The following OR56A3 variants were observed in gnomAD, a reference collection of about 807,000 sequenced individuals.
OR56A3 encodes olfactory receptor 56A3.
Under a neutral mutation model 17.5 loss-of-function variants are expected in OR56A3, and 23 were observed. The observed-to-expected ratio is 1.32, with a 90% CI of 0.95 to 1.87. The LOEUF (loss-of-function observed/expected upper bound fraction) is 1.87. Ranked by LOEUF, OR56A3 falls within the 40% of genes most tolerant of loss-of-function variation. OR56A3 has a pLI of 0.00. For synonymous variants in OR56A3, 175 were observed against 150.6 expected, an observed-to-expected ratio of 1.16 and a Z score of -1.19; for missense variants, 366 against 380.1, an observed-to-expected ratio of 0.96 and a Z score of 0.31.
rs756891111 is a variant in OR56A3 at position 5,947,406 on chromosome 11, T to C, written c.60T>C (p.Cys20=). Residue 20 remains cysteine, a synonymous_variant, in exon 3 of 3, where the codon TGT becomes TGC. Transcript: ENST00000641160. ...STEASDFLLN[C]FVRSPSWQHW... is the part of the protein sequence containing the mutation. ...AAGCTTCAGACTTCCTCTTGAATTG[T>C]TTTGTCAGATCCCCCAGCTGGCAGC... 3.7e-6 allele frequency: 6 copies of C among 1,614,084 alleles called. No individual in the cohort carries two copies.
the OR56A3 span, among the ~76,000 whole-genome samples, chr11:6,011,323 T>G: frequency 6.6e-6 from 1 of 151,948 alleles, no homozygotes; most frequent in Non-Finnish European, 1.5e-5. Flanking sequence ...GCAGCACTCA[T>G]ATACTAATGT....
Position 5,948,282 on chromosome 11 carries a change from G to A in OR56A3, c.936G>A (p.Lys312=), listed in dbSNP as rs200261072. The A allele has an allele frequency of 6.2e-7, 1 of 1,612,266 alleles. No homozygotes were observed. The highest frequency in any genetic ancestry group is 1.3e-5 in the African/African-American group (1 of 75,024). ...EIKQGMQRLL[K]KGC ...AGCAGGGAATGCAGAGGTTGTTGAA[G>A]AAAGGGTGCTAACAAGGACCACTGG... is the stretch of plus-strand genomic sequence containing the variant. The change falls in exon 3 of 3, where the codon AAG becomes AAA. Residue 312 remains lysine (K), a synonymous_variant. Coordinates refer to ENST00000641160, the MANE Select transcript of OR56A3 (RefSeq NM_001003443.3).
the OR56A3 span, among the ~76,000 whole-genome samples, chr11:5,970,085 C>T: frequency 2.0e-5 from 3 of 152,100 alleles, no homozygotes; most frequent in African/African-American, 4.8e-5. Flanking sequence ...CCAGTTTTGA[C>T]GTGTTGAGTT....
At chr11:5,964,749 C>T in the OR56A3 span, among the ~76,000 whole-genome samples, 4 of 152,208 alleles carry the variant, frequency 2.6e-5, no homozygotes, top group Non-Finnish European at 5.9e-5. Context: ...CCTAGAGGTT[C>T]AGTTTACAGA....
At chr11:6,002,501 C>T in the OR56A3 span, 1 of 1,614,180 alleles carries the variant, frequency 6.2e-7, no homozygotes, top group Non-Finnish European at 8.5e-7. Context: ...TGGCAGAAAG[C>T]ATGGGAACAG....
the OR56A3 span, among the ~76,000 whole-genome samples, chr11:5,990,720 CA>C: frequency 6.6e-6 from 1 of 152,074 alleles, no homozygotes; most frequent in African/African-American, 2.4e-5. Context: ...ATACAAAAAT[CA>C]AACATTAAGA....
the OR56A3 span, among the ~76,000 whole-genome samples, chr11:6,011,759 A>G: frequency 6.6e-6 from 1 of 152,108 alleles, no homozygotes; most frequent in Non-Finnish European, 1.5e-5. Flanking sequence ...TCCAAGGGAG[A>G]CTGGAGTCAG....
In OR56A3 at chr11:5,944,876, A is replaced by G. The variant is rs551395307; in HGVS notation, c.-243A>G. On this transcript the variant is annotated 5_prime_UTR_variant, in exon 2 of 3. An upstream start codon of the reference 5' UTR is lost. Coordinates refer to ENST00000641160, the MANE Select transcript of OR56A3 (RefSeq NM_001003443.3). ...TGAAGGGCCATGCCTGGCAGACTAC[A>G]TGGGGAATCAGAGGATCAAGAGGAG... 2.6e-5 allele frequency: 4 copies of G among 152,280 alleles called. No homozygotes were observed. The South Asian group carries it at 8.3e-4, about 32-fold the overall frequency. The allele number at this position is 152,280 out of a possible 1,614,324, so 9.4% of individuals were successfully genotyped here.
At position 5,942,542 on chromosome 11, in the gene OR56A3, C is replaced by A. The variant is rs12294834; in HGVS notation, c.-314+168C>A. Among the ~76,000 whole-genome samples, 19 of 152,074 alleles carry A rather than the reference C, an allele frequency of 1.2e-4. No homozygotes were observed. The South Asian group carries it at 3.9e-3, about 32-fold the overall frequency. Reference sequence around the variant, plus strand: ...CCAAGTAAAGAAAATTTGGAGTTTTCAACTCTGAATATGGAAATTTAGTGG... The same window carrying A: ...CCAAGTAAAGAAAATTTGGAGTTTTAAACTCTGAATATGGAAATTTAGTGG... On this transcript the variant is annotated intron_variant, in intron 1 of 2. Coordinates refer to ENST00000641160, the MANE Select transcript of OR56A3 (RefSeq NM_001003443.3).
At chr11:6,019,913 C>T in the OR56A3 span, 1 of 152,098 alleles carries the variant, frequency 6.6e-6, no homozygotes, top group African/African-American at 2.4e-5. Context: ...ACAGGCAAAC[C>T]AGCATTTACT....
the OR56A3 span, chr11:6,002,504 G>A: frequency 8.7e-6 from 14 of 1,614,228 alleles, no homozygotes; most frequent in African/African-American, 1.5e-4. Context: ...CAGAAAGCAT[G>A]GGAACAGGAA....
chr11:5,967,927 G>A, the OR56A3 span: 1 of 1,595,302 alleles, frequency 6.3e-7, no homozygotes, highest in Non-Finnish European at 8.5e-7. Context: ...TCACAAGAGA[G>A]TTTAGACACA....
chr11:5,953,397 GA>G (rs1239018494), downstream of OR56A3, among the ~76,000 whole-genome samples: 1 of 152,156 alleles, frequency 6.6e-6, no homozygotes, highest in Non-Finnish European at 1.5e-5. Context: ...TTCTCTTGAT[GA>G]TTACTGATGT....
rs535855847 is a variant in OR56A3, at chr11:5,946,771, T to G, written c.-36-540T>G. 2.0e-5 allele frequency among the ~76,000 whole-genome samples: 3 copies of G among 152,300 alleles called. No individual in the cohort carries two copies. The South Asian group carries it at 6.2e-4, about 32-fold the overall frequency. On this transcript the variant is annotated intron_variant, in intron 2 of 2. Coordinates refer to ENST00000641160, the MANE Select transcript of OR56A3 (RefSeq NM_001003443.3). ...TAGACAAAATACAAGTTAACTAAAT[T>G]TATTTTAGATGTATGATTTAAAAAA...
downstream of OR56A3, among the ~76,000 whole-genome samples, chr11:5,952,237 G>A (rs150407378): frequency 8.3e-4 from 126 of 152,316 alleles, 1 homozygote; most frequent in African/African-American, 2.6e-3. Flanking sequence ...GGTGCAAGGC[G>A]GTTGCCACTT....
At chr11:6,010,651 G>T in the OR56A3 span, among the ~76,000 whole-genome samples, 1 of 152,184 alleles carries the variant, frequency 6.6e-6, no homozygotes. Flanking sequence ...ATTCTTTGCA[G>T]ATTACCCAGC....
At chr11:6,012,816 C>T in the OR56A3 span, among the ~76,000 whole-genome samples, 2 of 152,252 alleles carry the variant, frequency 1.3e-5, no homozygotes, top group Non-Finnish European at 2.9e-5. Context: ...CCTCAGCTTT[C>T]CTCCAACACT....
At chr11:5,990,105 T>C in the OR56A3 span, among the ~76,000 whole-genome samples, 1 of 152,208 alleles carries the variant, frequency 6.6e-6, no homozygotes, top group African/African-American at 2.4e-5. Flanking sequence ...AAGCCAGGCA[T>C]CATGTCAGTC....
the OR56A3 span, among the ~76,000 whole-genome samples, chr11:6,004,243 T>G: frequency 6.6e-6 from 1 of 152,032 alleles, no homozygotes; most frequent in Non-Finnish European, 1.5e-5. Context: ...TCCCAGCTAC[T>G]TGGGAGGCTG....
Sources: allele counts gnomAD v4.1 joint callset (sites outside exome capture counted in the v4.1 genomes callset), GRCh38; gene constraint gnomAD v4.1.1; transcripts MANE v1.5; gene names NCBI Gene and HGNC (gene_info 2026-07-23, HGNC 2026-07-21).